PSD3: variants seen among roughly 807,000 people sequenced by gnomAD.
PSD3 encodes pleckstrin and Sec7 domain containing 3.
PSD3 carries 49 observed loss-of-function variants against 105.5 expected under a neutral mutation model. The observed-to-expected ratio is 0.46, with a 90% CI of 0.37 to 0.59. PSD3 has a LOEUF of 0.59. Ranked by LOEUF, PSD3 falls within the 20% of genes least tolerant of loss-of-function variation. The probability of loss-of-function intolerance (pLI) is 0.00; values close to 1 mark genes in which losing one functional copy is unlikely to be tolerated. For missense variants in PSD3, 1,561 were observed against 1,263.8 expected (o/e 1.24, Z -3.57); for synonymous variants, 557 against 457.8 (o/e 1.22, Z -2.77).
Position 19,058,819 on chromosome 8 carries a change from C to G in PSD3, c.324+25387G>C, listed in dbSNP as rs1260428884. 2.0e-5 allele frequency among the ~76,000 whole-genome samples: 3 copies of G among 152,234 alleles called. No individual in the cohort carries two copies. In the South Asian group the frequency reaches 6.2e-4, roughly 32 times the overall value. ...GGTGAGAGGGAGCCATCACGTGGAGCACCTTGGAAAGAGGAAGTGAGGATG... is the reference window on the plus strand; with the variant it reads ...GGTGAGAGGGAGCCATCACGTGGAGGACCTTGGAAAGAGGAAGTGAGGATG... On this transcript the variant is annotated intron_variant, in intron 1 of 1. Coordinates refer to the PSD3 transcript ENST00000521475.
At chr8:18,536,093 T>G in intron 15 of PSD3, 135 bp from the exon 16 acceptor site, 1 of 800,770 alleles carries the variant, frequency 1.2e-6, no homozygotes, top group Admixed American at 2.3e-5. Context: ...AACTGACAAA[T>G]TACTTGGGCA....
intron 1 of PSD3, among the ~76,000 whole-genome samples, chr8:18,946,097 T>C (rs779331944): frequency 3.9e-5 from 6 of 152,240 alleles, no homozygotes; most frequent in Non-Finnish European, 7.3e-5. Flanking sequence ...TTACTCCACC[T>C]GTACTGTTCC....
At chr8:18,768,417 G>C (rs1456245619) in intron 8 of PSD3, among the ~76,000 whole-genome samples, 1 of 152,110 alleles carries the variant, frequency 6.6e-6, no homozygotes, top group Non-Finnish European at 1.5e-5. Context: ...ACTAGCCTGG[G>C]TAACATCCCT....
At chr8:18,974,125 T>A (rs1824798599) in intron 1 of PSD3, among the ~76,000 whole-genome samples, 1 of 152,190 alleles carries the variant, frequency 6.6e-6, no homozygotes, top group African/African-American at 2.4e-5. Context: ...ATTACCACCA[T>A]CATTTATTTT....
chr8:18,678,812 C>CA (rs10708717), intron 9 of PSD3, among the ~76,000 whole-genome samples: 18 of 146,872 alleles, frequency 1.2e-4, no homozygotes, highest in African/African-American at 4.0e-4. Context: ...AACTCCGTCT[C>CA]AAAAAAAAAA....
chr8:18,708,881 T>C lies in PSD3; in HGVS notation c.2173-53196A>G, dbSNP rs561557865. 3.3e-5 allele frequency among the ~76,000 whole-genome samples: 5 copies of C among 151,754 alleles called. No individual in the cohort carries two copies. In the South Asian group the frequency reaches 8.3e-4, roughly 25 times the overall value. On this transcript the variant is annotated intron_variant, in intron 9 of 15. Coordinates refer to ENST00000327040, the MANE Select transcript of PSD3 (RefSeq NM_015310.4). ...TGGCCAACCTGAGAGCCACACGGGG[T>C]AAGAGGAACTCCCACCTCCAGTCAA...
intron 9 of PSD3, among the ~76,000 whole-genome samples, chr8:18,678,703 T>C (rs1249554502): frequency 6.6e-6 from 1 of 152,018 alleles, no homozygotes; most frequent in East Asian, 1.9e-4. Context: ...CCCAGCTAAC[T>C]TGGGAGGCCG....
chr8:19,076,870 G>A (rs576791321), intron 1 of PSD3, among the ~76,000 whole-genome samples: 1 of 152,214 alleles, frequency 6.6e-6, no homozygotes, highest in Non-Finnish European at 1.5e-5. Context: ...TAGGAAGCAC[G>A]GTGTTAAGTC....
At chr8:18,639,677 G>T (rs763712199) in intron 10 of PSD3, among the ~76,000 whole-genome samples, 5 of 152,112 alleles carry the variant, frequency 3.3e-5, no homozygotes, top group Non-Finnish European at 5.9e-5. Flanking sequence ...GCCTTCAGGA[G>T]GAAACAACCC....
At position 18,575,114 on chromosome 8, in the gene PSD3, C is replaced by G. The variant is rs907453253; in HGVS notation, c.2639+14G>C. On this transcript the variant is annotated intron_variant, in intron 13 of 15. Transcript: ENST00000327040. ...ACTAAAACACAAAATCAAATAAAAA[C>G]CAACAAAACATACTGAGTTTGAAAA... 3 of 1,606,668 alleles carry G rather than the reference C, an allele frequency of 1.9e-6. No homozygotes were observed. The highest frequency in any genetic ancestry group is 1.7e-6 in the Non-Finnish European group (2 of 1,176,766).
At chr8:18,700,588 T>C (rs1801519992) in intron 9 of PSD3, among the ~76,000 whole-genome samples, 1 of 152,220 alleles carries the variant, frequency 6.6e-6, no homozygotes, top group African/African-American at 2.4e-5. Context: ...CATGGTCTCT[T>C]AGCAGACATA....
chr8:18,810,026 T>C (rs1015923450), intron 4 of PSD3, among the ~76,000 whole-genome samples: 2 of 152,114 alleles, frequency 1.3e-5, no homozygotes, highest in African/African-American at 4.8e-5. Flanking sequence ...CTGACCCCAA[T>C]TTCTTTTTTC....
intron 1 of PSD3, among the ~76,000 whole-genome samples, chr8:19,077,712 T>G (rs1418447838): frequency 1.3e-5 from 2 of 152,184 alleles, no homozygotes; most frequent in African/African-American, 4.8e-5. Flanking sequence ...ATCCTTGAAC[T>G]TTGTAATATA....
chr8:18,859,379 C>T (rs1446810798), intron 4 of PSD3, among the ~76,000 whole-genome samples: 4 of 152,050 alleles, frequency 2.6e-5, no homozygotes, highest in South Asian at 2.1e-4. Context: ...TTCTGAAGGG[C>T]CGTAGGATTT....
At chr8:18,583,105 C>T (rs540544240) in intron 12 of PSD3, among the ~76,000 whole-genome samples, 32 of 152,190 alleles carry the variant, frequency 2.1e-4, no homozygotes, top group Non-Finnish European at 3.8e-4. Context: ...GGATTACAGG[C>T]GTGAGCCACC....
At chr8:18,689,266 A>G (rs189320950) in intron 9 of PSD3, among the ~76,000 whole-genome samples, 3 of 152,284 alleles carry the variant, frequency 2.0e-5, no homozygotes, top group Admixed American at 2.0e-4. Context: ...GAGAACAAGA[A>G]ATTCTGTTGC....
intron 9 of PSD3, among the ~76,000 whole-genome samples, chr8:18,734,849 C>A (rs1385974771): frequency 6.6e-6 from 1 of 152,070 alleles, no homozygotes; most frequent in African/African-American, 2.4e-5. Flanking sequence ...TTTTCTCAAG[C>A]CAAAATCAAA....
chr8:18,934,339 A>T (rs1821935833), intron 2 of PSD3, among the ~76,000 whole-genome samples: 1 of 152,246 alleles, frequency 6.6e-6, no homozygotes, highest in Non-Finnish European at 1.5e-5. Flanking sequence ...TATGATGATG[A>T]TGGTGATGGT....
chr8:19,043,179 G>T (rs1828185047), intron 1 of PSD3, among the ~76,000 whole-genome samples: 1 of 152,182 alleles, frequency 6.6e-6, no homozygotes, highest in Admixed American at 6.5e-5. Flanking sequence ...GCCATATCTT[G>T]CCAAATATGA....
Sources: allele counts gnomAD v4.1 joint callset (sites outside exome capture counted in the v4.1 genomes callset), GRCh38; gene constraint gnomAD v4.1.1; transcripts MANE v1.5; gene names NCBI Gene and HGNC (gene_info 2026-07-23, HGNC 2026-07-21).